The following ABCB11 variants were observed in gnomAD, a reference collection of about 807,000 sequenced individuals.
The protein encoded by ABCB11 is ATP binding cassette subfamily B member 11, also known as bile salt export pump.
A neutral mutation model predicts 148.0 loss-of-function variants in ABCB11; 95 were observed. The observed-to-expected ratio is 0.64, with a 90% CI of 0.54 to 0.76. The LOEUF is 0.76. Ranked by LOEUF, ABCB11 falls within the 30% of genes least tolerant of loss-of-function variation. ABCB11 has a pLI of 0.00. For missense variants in ABCB11, 1,523 were observed against 1,617.8 expected (o/e 0.94, Z 1.01); for synonymous variants, 591 against 555.4 (o/e 1.06, Z -0.90).
intron 24 of ABCB11, 46 bp downstream of exon 24, chr2:168,932,331 C>T: frequency 6.7e-7 from 1 of 1,493,812 alleles, no homozygotes; most frequent in Non-Finnish European, 9.1e-7. Flanking sequence ...CTGCAAAGGA[C>T]ATGAACTCAT....
chr2:168,995,561 TCAATA>T (rs1221566755), intron 6 of ABCB11, 79 bp from the exon 7 acceptor site: 1 of 1,452,454 alleles, frequency 6.9e-7, no homozygotes, highest in Non-Finnish European at 9.4e-7. Context: ...GAAAGTACTT[TCAATA>T]CAACAGTTGA....
Position 168,993,813 on chromosome 2 carries a change from G to T in ABCB11, c.681C>A (p.Thr227=), listed in dbSNP as rs1401834885. ...AAAATCCCAACAGGAAACCACAGAT[G>T]GTCGAGGTCATGCGCTGAATGAAAA... ...MALFIQRMTS[T]ICGFLLGFFR... is the part of the protein sequence containing the mutation. The change falls in exon 8 of 28, where the codon ACC becomes ACA. Residue 227 remains threonine (T), a synonymous_variant. Transcript: ENST00000650372. 10 of 1,611,482 alleles carry T rather than the reference G, an allele frequency of 6.2e-6. No individual in the cohort carries two copies. Among genetic ancestry groups the T allele is most frequent in the Non-Finnish European group, 8.5e-6 (10 of 1,178,648 alleles).
downstream of ABCB11, among the ~76,000 whole-genome samples, chr2:168,919,565 T>G (rs1242305132): frequency 6.6e-6 from 1 of 152,110 alleles, no homozygotes; most frequent in Admixed American, 6.5e-5. Context: ...ACCTCATTCT[T>G]GAGTTAGGTC....
chr2:168,960,388 G>T (rs976248108), intron 18 of ABCB11, among the ~76,000 whole-genome samples: 6 of 151,646 alleles, frequency 4.0e-5, no homozygotes, highest in Non-Finnish European at 8.9e-5. Context: ...AATTCTGCCA[G>T]CTTCCTTGTG....
chr2:168,942,376 T>A (rs1692103322), intron 21 of ABCB11, among the ~76,000 whole-genome samples: 1 of 151,716 alleles, frequency 6.6e-6, no homozygotes, highest in African/African-American at 2.4e-5. Context: ...TTAAAATGAG[T>A]GTAAAATGTA....
In ABCB11 at chr2:168,920,860, AT is replaced by A. The variant is rs1691054521; in HGVS notation, c.*2761del. ...TCTCCTTTGTCACTGAGCCTCAATTATTTCCCCAATTTCAAGCCCTCTTTAG... is the reference window on the plus strand; with the variant it reads ...TCTCCTTTGTCACTGAGCCTCAATTATTCCCCAATTTCAAGCCCTCTTTAG... On this transcript the variant is annotated 3_prime_UTR_variant, in exon 28 of 28. Coordinates refer to ENST00000650372, the MANE Select transcript of ABCB11 (RefSeq NM_003742.4). Among the ~76,000 whole-genome samples, 1 of 152,126 alleles carries A rather than the reference AT, an allele frequency of 6.6e-6. No individual in the cohort carries two copies. Among genetic ancestry groups the A allele is most frequent in the Non-Finnish European group, 1.5e-5 (1 of 68,022 alleles).
At chr2:169,028,294 C>T (rs916146030) in intron 1 of ABCB11, among the ~76,000 whole-genome samples, 4 of 151,782 alleles carry the variant, frequency 2.6e-5, no homozygotes, top group Non-Finnish European at 5.9e-5. Flanking sequence ...CAGACATTAT[C>T]TGGGAAATTA....
intron 25 of ABCB11, among the ~76,000 whole-genome samples, chr2:168,928,484 G>A (rs1465598879): frequency 6.6e-6 from 1 of 152,078 alleles, no homozygotes; most frequent in Non-Finnish European, 1.5e-5. Context: ...AACATAAAAA[G>A]TGGTAGGTTT....
intron 21 of ABCB11, among the ~76,000 whole-genome samples, chr2:168,942,068 ATTATAAC>A (rs1418803857): frequency 6.6e-6 from 1 of 152,010 alleles, no homozygotes; most frequent in African/African-American, 2.4e-5. Flanking sequence ...AATTTCTAAA[ATTATAAC>A]TTATAAGAGA....
rs1448024924 is a variant in ABCB11, at chr2:168,921,890, C to G, written c.*1732G>C. 1.3e-5 allele frequency among the ~76,000 whole-genome samples: 2 copies of G among 150,010 alleles called. No individual in the cohort carries two copies. Among genetic ancestry groups the G allele is most frequent in the Non-Finnish European group, 3.0e-5 (2 of 67,684 alleles). On this transcript the variant is annotated 3_prime_UTR_variant, in exon 28 of 28. Coordinates refer to ENST00000650372, the MANE Select transcript of ABCB11 (RefSeq NM_003742.4). The stretch of plus-strand genomic sequence containing the variant: ...TTTTTTTTTTTTTTCGCTCTGTCGC[C>G]CAGGCTGGAGTGCAGTGGCGCGATC...
chr2:169,018,957 A>T (rs1441061975), intron 1 of ABCB11, among the ~76,000 whole-genome samples: 1 of 152,156 alleles, frequency 6.6e-6, no homozygotes, highest in African/African-American at 2.4e-5. Context: ...TTTTCCCCTC[A>T]GCGTCTGGAT....
intron 25 of ABCB11, among the ~76,000 whole-genome samples, chr2:168,929,110 G>T (rs1194235722): frequency 6.6e-6 from 1 of 152,004 alleles, no homozygotes; most frequent in African/African-American, 2.4e-5. Context: ...AAAATATAGG[G>T]ATTAAACAAT....
At chr2:168,995,309 A>C (rs753954113) in intron 7 of ABCB11, 40 bp downstream of exon 7, 1 of 1,571,780 alleles carries the variant, frequency 6.4e-7, no homozygotes, top group South Asian at 1.2e-5. Context: ...TTTATTATCC[A>C]AAAATCACAC....
At chr2:168,926,737 A>G (rs2105881139) in intron 26 of ABCB11, among the ~76,000 whole-genome samples, 1 of 152,286 alleles carries the variant, frequency 6.6e-6, no homozygotes, top group South Asian at 2.1e-4. Flanking sequence ...CATAATACAG[A>G]TTGAATATTT....
chr2:168,962,942 A>G (rs1223030462), intron 18 of ABCB11, among the ~76,000 whole-genome samples: 1 of 151,676 alleles, frequency 6.6e-6, no homozygotes, highest in African/African-American at 2.4e-5. Context: ...AGAAATTGAG[A>G]CCTCTGTTTA....
At position 169,010,941 on chromosome 2, in the gene ABCB11, G is replaced by A. The variant is rs374038666; in HGVS notation, c.389+2331C>T. 2.8e-4 allele frequency among the ~76,000 whole-genome samples: 42 copies of A among 152,218 alleles called. No individual in the cohort carries two copies. The East Asian group carries it at 2.9e-3, about 10-fold the overall frequency. Reference sequence around the variant, plus strand: ...AATGTCCATTCACATTTGGTATTACGTGAATTCAGCCAAAGCCAGTGGACT... The same window carrying A: ...AATGTCCATTCACATTTGGTATTACATGAATTCAGCCAAAGCCAGTGGACT... On this transcript the variant is annotated intron_variant, in intron 5 of 27. Transcript: ENST00000650372.
chr2:168,978,448 T>G (rs1304167788), intron 11 of ABCB11, among the ~76,000 whole-genome samples: 2 of 152,080 alleles, frequency 1.3e-5, no homozygotes, highest in African/African-American at 2.4e-5. Flanking sequence ...CAATGAACAT[T>G]TTTATGTGGT....
chr2:168,945,800 G>A (rs853786), intron 19 of ABCB11, among the ~76,000 whole-genome samples: 74,797 of 151,386 alleles, frequency 0.49, 19,560 homozygotes, highest in South Asian at 0.66. Flanking sequence ...GTAATTTGCC[G>A]GTTAATTAGT....
intron 22 of ABCB11, among the ~76,000 whole-genome samples, chr2:168,935,845 T>C (rs1333660791): frequency 6.6e-6 from 1 of 152,212 alleles, no homozygotes; most frequent in Non-Finnish European, 1.5e-5. Flanking sequence ...AAAACCATCA[T>C]AGCTCCTGTG....
Sources: gnomAD v4.1 joint callset for allele counts (sites outside exome capture counted in the v4.1 genomes callset) on GRCh38, gnomAD v4.1.1 for gene constraint, MANE v1.5 for transcripts, NCBI Gene and HGNC (gene_info 2026-07-23, HGNC 2026-07-21) for gene names.